TNF: variants seen among roughly 807,000 people sequenced by gnomAD.
TNF encodes APC1 protein.
A neutral mutation model predicts 21.8 loss-of-function variants in TNF; 7 were observed. The observed-to-expected ratio is 0.32, with a 90% CI of 0.18 to 0.60. The LOEUF is 0.60. Ranked by LOEUF, TNF falls within the 20% of genes least tolerant of loss-of-function variation. The pLI is 0.84. For missense variants in TNF, 216 were observed against 296.6 expected (o/e 0.73, Z 2.00); for synonymous variants, 123 against 130.2 (o/e 0.94, Z 0.38).
At chr6:31,576,317 G>C (rs1771179240) in intron 1 of TNF, among the ~76,000 whole-genome samples, 1 of 152,168 alleles carries the variant, frequency 6.6e-6, no homozygotes. Flanking sequence ...GCTAAGGAGA[G>C]AGATGGGGGA....
chr6:31,577,821 A>C lies in TNF; in HGVS notation c.*284A>C, dbSNP rs1771264481. On this transcript the variant is annotated 3_prime_UTR_variant, in exon 4 of 4. Coordinates refer to ENST00000449264, the MANE Select transcript of TNF (RefSeq NM_000594.4). The surrounding 1 kb of genome is among the most constrained non-coding windows in gnomAD (Gnocchi z 7.7). ...TTGATCCCTGACATCTGGAATCTGGAGACCAGGGAGCCTTTGGTTCTGGCC... is the reference window on the plus strand; with the variant it reads ...TTGATCCCTGACATCTGGAATCTGGCGACCAGGGAGCCTTTGGTTCTGGCC... 1 of 554,656 alleles carries C rather than the reference A, an allele frequency of 1.8e-6. No individual in the cohort carries two copies. Among genetic ancestry groups the C allele is most frequent in the Admixed American group, 3.1e-5 (1 of 31,964 alleles). The allele number at this position is 554,656 out of a possible 1,614,324, so 34.4% of individuals were successfully genotyped here.
chr6:31,577,390 T>G lies in TNF; in HGVS notation c.555T>G (p.Ala185=). 6.2e-7 allele frequency: 1 copy of G among 1,613,150 alleles called. No homozygotes were observed. The highest frequency in any genetic ancestry group is 8.5e-7 in the Non-Finnish European group (1 of 1,180,040). The stretch of plus-strand genomic sequence containing the variant: ...GCCAGAGGGAGACCCCAGAGGGGGC[T>G]GAGGCCAAGCCCTGGTATGAGCCCA... ...SPCQRETPEG[A]EAKPWYEPIY... is the part of the protein sequence containing the mutation. Residue 185 remains alanine (A), a synonymous_variant, in exon 4 of 4, where the codon GCT becomes GCG. Transcript: ENST00000449264. This position sits in a 1 kb window ranked among gnomAD's most constrained non-coding sequence, Gnocchi z 7.7.
chr6:31,577,498 C>T lies in TNF; in HGVS notation c.663C>T (p.Ala221=), dbSNP rs774879769. ...EINRPDYLDF[A]ESGQVYFGII... ...ATCGGCCCGACTATCTCGACTTTGC[C>T]GAGTCTGGGCAGGTCTACTTTGGGA... is the stretch of plus-strand genomic sequence containing the variant. The change falls in exon 4 of 4, where the codon GCC becomes GCT. Residue 221 remains alanine, a synonymous_variant. Coordinates refer to ENST00000449264, the MANE Select transcript of TNF (RefSeq NM_000594.4). The surrounding 1 kb of genome is among the most constrained non-coding windows in gnomAD (Gnocchi z 7.7). The T allele has an allele frequency of 1.7e-5, 28 of 1,613,104 alleles. No homozygotes were observed. Among genetic ancestry groups the T allele is most frequent in the Admixed American group, 3.3e-5 (2 of 60,034 alleles).
chr6:31,577,373 G>C lies in TNF; in HGVS notation c.538G>C (p.Glu180Gln). 3 of 1,613,178 alleles carry C rather than the reference G, an allele frequency of 1.9e-6. 1 individual carries two copies. The highest frequency in any genetic ancestry group is 2.5e-6 in the Non-Finnish European group (3 of 1,180,052). ...LSAIKSPCQR[E>Q]TPEGAEAKPW... ...TGCCATCAAGAGCCCCTGCCAGAGG[G>C]AGACCCCAGAGGGGGCTGAGGCCAA... Residue 180 changes from glutamate to glutamine, a missense_variant, in exon 4 of 4, where the codon GAG (glutamate) becomes CAG (glutamine). This residue lies in a region of TNF where 98 missense variants were observed against 169.6 expected (regional missense o/e 0.58). Coordinates refer to ENST00000449264, the MANE Select transcript of TNF (RefSeq NM_000594.4). The surrounding 1 kb of genome is among the most constrained non-coding windows in gnomAD (Gnocchi z 7.7).
At position 31,577,555 on chromosome 6, in the gene TNF, C is replaced by T; in HGVS notation, c.*18C>T. On this transcript the variant is annotated 3_prime_UTR_variant, in exon 4 of 4. Coordinates refer to ENST00000449264, the MANE Select transcript of TNF (RefSeq NM_000594.4). This position sits in a 1 kb window ranked among gnomAD's most constrained non-coding sequence, Gnocchi z 7.7. The stretch of plus-strand genomic sequence containing the variant: ...CCCTGTGAGGAGGACGAACATCCAA[C>T]CTTCCCAAACGCCTCCCCTGCCCCA... The T allele has an allele frequency of 6.2e-7, 1 of 1,612,984 alleles. No homozygotes were observed. Among genetic ancestry groups the T allele is most frequent in the Non-Finnish European group, 8.5e-7 (1 of 1,179,998 alleles).
chr6:31,575,810 G>A lies in TNF; in HGVS notation c.69G>A (p.Gly23=), dbSNP rs1293339979. The change falls in exon 1 of 4, where the codon GGG becomes GGA. Residue 23 remains glycine, a synonymous_variant. Transcript: ENST00000449264. This position sits in a 1 kb window ranked among gnomAD's most constrained non-coding sequence, Gnocchi z 6.2. Reference sequence around the variant, plus strand: ...AGGCGCTCCCCAAGAAGACAGGGGGGCCCCAGGGCTCCAGGCGGTGCTTGT... The same window carrying A: ...AGGCGCTCCCCAAGAAGACAGGGGGACCCCAGGGCTCCAGGCGGTGCTTGT... ...AEEALPKKTG[G]PQGSRRCLFL... 4.3e-6 allele frequency: 7 copies of A among 1,611,786 alleles called. No individual in the cohort carries two copies. The highest frequency in any genetic ancestry group is 5.9e-6 in the Non-Finnish European group (7 of 1,178,950).
rs1771141784 is a variant in TNF, at chr6:31,575,717, C to T, written c.-25C>T. ...TCTCACATACTGACCCACGGCTCCA[C>T]CCTCTCTCCCCTGGAAAGGACACCA... On this transcript the variant is annotated 5_prime_UTR_variant, in exon 1 of 4. Coordinates refer to ENST00000449264, the MANE Select transcript of TNF (RefSeq NM_000594.4). The surrounding 1 kb of genome is among the most constrained non-coding windows in gnomAD (Gnocchi z 6.2). The T allele has an allele frequency of 1.3e-6, 2 of 1,535,092 alleles. No individual in the cohort carries two copies. Among genetic ancestry groups the T allele is most frequent in the Non-Finnish European group, 1.8e-6 (2 of 1,141,532 alleles).
intron 1 of TNF, 114 bp downstream of exon 1, chr6:31,576,041 G>GA (rs1165313476): frequency 6.1e-6 from 7 of 1,142,286 alleles, no homozygotes; most frequent in South Asian, 4.3e-5. Context: ...GGGATGGAGA[G>GA]AAAAAAACGT....
intron 2 of TNF, 22 bp from the exon 3 acceptor site, chr6:31,576,745 T>C: frequency 6.2e-7 from 1 of 1,613,144 alleles, no homozygotes; most frequent in East Asian, 2.2e-5. Context: ...TCTCAGCTTT[T>C]TCTTTTCTCT....
chr6:31,576,057 A>G, intron 1 of TNF, 130 bp downstream of exon 1: 1 of 946,538 alleles, frequency 1.1e-6, no homozygotes. Context: ...AACGTGGAGA[A>G]AGACGGGGAT....
chr6:31,577,219 A>AGAG lies in TNF; in HGVS notation c.386_388dup (p.Glu129dup). ...GAGATAACCAGCTGGTGGTGCCATC[A>AGAG]GAGGGCCTGTACCTCATCTACTCCC... On this transcript the variant is annotated inframe_insertion, in exon 4 of 4. Coordinates refer to ENST00000449264, the MANE Select transcript of TNF (RefSeq NM_000594.4). This position sits in a 1 kb window ranked among gnomAD's most constrained non-coding sequence, Gnocchi z 7.7. The AGAG allele has an allele frequency of 6.2e-7, 1 of 1,613,094 alleles. No homozygotes were observed. The highest frequency in any genetic ancestry group is 8.5e-7 in the Non-Finnish European group (1 of 1,180,006).
Position 31,577,029 on chromosome 6 carries a change from G to C in TNF, c.281-87G>C, listed in dbSNP as rs1175981044. The C allele has an allele frequency of 6.7e-7, 1 of 1,499,328 alleles. No homozygotes were observed. The highest frequency in any genetic ancestry group is 1.9e-5 in the Admixed American group (1 of 53,628). 92.9% of individuals were successfully genotyped at this position (1,499,328 alleles called of 1,614,324 possible). ...GACAGAGAGGACAGGAACCGGATGT[G>C]GGGTGGGCAGAGCTCGAGGGCCAGG... On this transcript the variant is annotated intron_variant, in intron 3 of 3. Transcript: ENST00000449264. This position sits in a 1 kb window ranked among gnomAD's most constrained non-coding sequence, Gnocchi z 7.7.
At position 31,575,679 on chromosome 6, in the gene TNF, C is replaced by T; in HGVS notation, c.-63C>T. 2 of 1,430,600 alleles carry T rather than the reference C, an allele frequency of 1.4e-6. No individual in the cohort carries two copies. Among genetic ancestry groups the T allele is most frequent in the Non-Finnish European group, 9.3e-7 (1 of 1,078,054 alleles). The allele number at this position is 1,430,600 out of a possible 1,614,324, so 88.6% of individuals were successfully genotyped here. A position where few individuals can be genotyped will look rare whatever the true frequency, so the allele number is the denominator to read the frequency against. ...CCACATCCCCTGACAAGCTGCCAGGCAGGTTCTCTTCCTCTCACATACTGA... is the reference window on the plus strand; with the variant it reads ...CCACATCCCCTGACAAGCTGCCAGGTAGGTTCTCTTCCTCTCACATACTGA... On this transcript the variant is annotated 5_prime_UTR_variant, in exon 1 of 4. Transcript: ENST00000449264. This position sits in a 1 kb window ranked among gnomAD's most constrained non-coding sequence, Gnocchi z 6.2.
Position 31,577,294 on chromosome 6 carries a change from C to A in TNF, c.459C>A (p.Thr153=). 1 of 1,613,224 alleles carries A rather than the reference C, an allele frequency of 6.2e-7. No individual in the cohort carries two copies. Among genetic ancestry groups the A allele is most frequent in the Non-Finnish European group, 8.5e-7 (1 of 1,180,034 alleles). ...QGCPSTHVLL[T]HTISRIAVSY... is the part of the protein sequence containing the mutation. The stretch of plus-strand genomic sequence containing the variant: ...GCCCCTCCACCCATGTGCTCCTCAC[C>A]CACACCATCAGCCGCATCGCCGTCT... Residue 153 remains threonine, a synonymous_variant, in exon 4 of 4, where the codon ACC becomes ACA. Coordinates refer to ENST00000449264, the MANE Select transcript of TNF (RefSeq NM_000594.4). This position sits in a 1 kb window ranked among gnomAD's most constrained non-coding sequence, Gnocchi z 7.7.
chr6:31,576,665 T>A, intron 2 of TNF, 86 bp downstream of exon 2: 2 of 1,538,868 alleles, frequency 1.3e-6, no homozygotes, highest in Non-Finnish European at 1.8e-6. Context: ...GGGGGAAATT[T>A]AAAGTTTTGG....
rs372568141 is a variant in TNF at position 31,575,699 on chromosome 6, T to A, written c.-43T>A. 7.3e-6 allele frequency: 11 copies of A among 1,502,226 alleles called. 2 individuals are homozygous for A. The South Asian group carries it at 8.0e-5, about 11-fold the overall frequency. The allele number at this position is 1,502,226 out of a possible 1,614,324, so 93.1% of individuals were successfully genotyped here. A position where few individuals can be genotyped will look rare whatever the true frequency, so the allele number is the denominator to read the frequency against. On this transcript the variant is annotated 5_prime_UTR_variant, in exon 1 of 4. Transcript: ENST00000449264. The surrounding 1 kb of genome is among the most constrained non-coding windows in gnomAD (Gnocchi z 6.2). ...CCAGGCAGGTTCTCTTCCTCTCACATACTGACCCACGGCTCCACCCTCTCT... is the reference window on the plus strand; with the variant it reads ...CCAGGCAGGTTCTCTTCCTCTCACAAACTGACCCACGGCTCCACCCTCTCT...
intron 1 of TNF, among the ~76,000 whole-genome samples, 197 bp downstream of exon 1, chr6:31,576,124 G>A (rs35718235): frequency 6.6e-6 from 1 of 152,150 alleles, no homozygotes; most frequent in Non-Finnish European, 1.5e-5. Flanking sequence ...TGGAGAGACA[G>A]GATGTCTGGC....
In TNF at chr6:31,575,811, C is replaced by A. The variant is rs754639425; in HGVS notation, c.70C>A (p.Pro24Thr). The change falls in exon 1 of 4, where the codon CCC (proline) becomes ACC (threonine). Residue 24 changes from proline (P) to threonine (T), a missense_variant. Physicochemically the swap from Pro to Thr is conservative, Grantham distance 38. Transcript: ENST00000449264. This position sits in a 1 kb window ranked among gnomAD's most constrained non-coding sequence, Gnocchi z 6.2. ...GGCGCTCCCCAAGAAGACAGGGGGG[C>A]CCCAGGGCTCCAGGCGGTGCTTGTT... ...EEALPKKTGG[P>T]QGSRRCLFLS... 2 of 1,611,302 alleles carry A rather than the reference C, an allele frequency of 1.2e-6. No individual in the cohort carries two copies. Among genetic ancestry groups the A allele is most frequent in the Non-Finnish European group, 1.7e-6 (2 of 1,178,788 alleles).
chr6:31,576,448 T>C lies in TNF; in HGVS notation c.187-86T>C, dbSNP rs3093663. On this transcript the variant is annotated intron_variant, in intron 1 of 3. Coordinates refer to ENST00000449264, the MANE Select transcript of TNF (RefSeq NM_000594.4). ...GAGAGAAAACCAGACACCTCAGGGC[T>C]AAGAGCGCAGGCCAGACAGGCAGCC... 231 of 1,379,668 alleles carry C rather than the reference T, an allele frequency of 1.7e-4. No individual in the cohort carries two copies. In the African/African-American group the frequency reaches 2.9e-3, roughly 17 times the overall value. The allele number at this position is 1,379,668 out of a possible 1,614,324, so 85.5% of individuals were successfully genotyped here.
Sources: allele counts gnomAD v4.1 joint callset (sites outside exome capture counted in the v4.1 genomes callset), GRCh38; gene constraint gnomAD v4.1.1; regional missense constraint gnomAD v4.1.1; non-coding constraint Gnocchi (gnomAD v3.1); transcripts MANE v1.5; gene names NCBI Gene and HGNC (gene_info 2026-07-23, HGNC 2026-07-21).